ESF1: variants seen among roughly 807,000 people sequenced by gnomAD.
ESF1 encodes the protein ESF1 homolog.
ESF1 carries 58 observed loss-of-function variants against 92.0 expected under a neutral mutation model. The observed-to-expected ratio is 0.63, with a 90% CI of 0.51 to 0.78. The LOEUF (loss-of-function observed/expected upper bound fraction) is 0.78. Ranked by LOEUF, ESF1 falls within the 30% of genes least tolerant of loss-of-function variation. ESF1 has a pLI of 0.00. For missense variants in ESF1, 922 were observed against 989.1 expected (o/e 0.93, Z 0.91); for synonymous variants, 321 against 313.7 (o/e 1.02, Z -0.24).
rs183350625 is a variant in ESF1 at position 13,720,626 on chromosome 20, C to A, written c.2039-1642G>T. On this transcript the variant is annotated intron_variant, in intron 11 of 13. Transcript: ENST00000617257. ...GAGGGGGAAGTGTATATGGTATCTT[C>A]TAGACTATAGTGAACTAAAAAGACT... 7.1e-4 allele frequency among the ~76,000 whole-genome samples: 108 copies of A among 152,164 alleles called. 1 individual carries two copies. The highest frequency in any genetic ancestry group is 2.4e-3 in the African/African-American group (100 of 41,478).
chr20:13,754,984 G>C (rs1046684089), intron 9 of ESF1, among the ~76,000 whole-genome samples: 5 of 152,176 alleles, frequency 3.3e-5, no homozygotes, highest in African/African-American at 1.2e-4. Context: ...CAGTCTTCCT[G>C]GGCCAGGCTC....
At position 13,783,167 on chromosome 20, in the gene ESF1, C is replaced by T; in HGVS notation, c.-27G>A. 2.5e-6 allele frequency: 4 copies of T among 1,572,842 alleles called. No individual in the cohort carries two copies. Among genetic ancestry groups the T allele is most frequent in the Non-Finnish European group, 3.5e-6 (4 of 1,158,584 alleles). ...TTTAATTCTTAATCTCGACCAAATG[C>T]TTGAAGAAAACAAATACTGAAAAAT... On this transcript the variant is annotated 5_prime_UTR_variant, in exon 2 of 14. Coordinates refer to ENST00000617257, the MANE Select transcript of ESF1 (RefSeq NM_001276380.2).
chr20:13,748,570 GTGTGTATA>G (rs1301691149), intron 9 of ESF1, among the ~76,000 whole-genome samples: 1 of 46,088 alleles, frequency 2.2e-5, no homozygotes, highest in African/African-American at 7.0e-5. Flanking sequence ...ATATATGTGT[GTGTGTATA>G]TATATATATA....
intron 8 of ESF1, among the ~76,000 whole-genome samples, chr20:13,760,721 C>A (rs1266944071): frequency 6.6e-6 from 1 of 150,690 alleles, no homozygotes; most frequent in Admixed American, 6.6e-5. Context: ...GGGGGGTCAG[C>A]CCCCACCGGC....
At chr20:13,729,106 A>G (rs1479266790) in intron 10 of ESF1, among the ~76,000 whole-genome samples, 1 of 151,950 alleles carries the variant, frequency 6.6e-6, no homozygotes, top group Non-Finnish European at 1.5e-5. Context: ...TAAAAATACA[A>G]AAGTTAGCCA....
chr20:13,716,126 T>C (rs1006187262), intron 13 of ESF1, among the ~76,000 whole-genome samples: 1 of 152,136 alleles, frequency 6.6e-6, no homozygotes, highest in East Asian at 1.9e-4. Flanking sequence ...CTACCCTCCA[T>C]TGTTTGAACA....
At chr20:13,752,444 T>G (rs1978681879) in intron 9 of ESF1, among the ~76,000 whole-genome samples, 1 of 152,232 alleles carries the variant, frequency 6.6e-6, no homozygotes, top group African/African-American at 2.4e-5. Flanking sequence ...TCTTCTATAC[T>G]CGATTCAAAA....
At chr20:13,780,902 TG>T (rs1447123245) in intron 2 of ESF1, among the ~76,000 whole-genome samples, 2 of 152,266 alleles carry the variant, frequency 1.3e-5, no homozygotes, top group Non-Finnish European at 2.9e-5. Context: ...CTACTCATTT[TG>T]GCCCTTCAAG....
At chr20:13,783,724 A>G (rs1439819212) in intron 1 of ESF1, among the ~76,000 whole-genome samples, 1 of 152,188 alleles carries the variant, frequency 6.6e-6, no homozygotes, top group Non-Finnish European at 1.5e-5. Flanking sequence ...CTAAGGCAAG[A>G]GGATCACTTC....
chr20:13,750,069 T>C (rs1978559330), intron 9 of ESF1, among the ~76,000 whole-genome samples: 1 of 152,192 alleles, frequency 6.6e-6, no homozygotes, highest in African/African-American at 2.4e-5. Flanking sequence ...GCATATTGCA[T>C]ACAGTGAGCA....
chr20:13,782,891 C>T lies in ESF1; in HGVS notation c.250G>A (p.Glu84Lys). The part of the protein sequence containing the change: ...LSDSDSNLSG[E>K]DSKALSQKKI... ...TTTTGACTCAATGCTTTGCTATCTT[C>T]ACCAGAGAGATTGGAATCAGAATCT... is the stretch of plus-strand genomic sequence containing the variant. The change falls in exon 2 of 14, where the codon GAA becomes AAA. Residue 84 changes from glutamate (E) to lysine (K), a missense_variant. Coordinates refer to ENST00000617257, the MANE Select transcript of ESF1 (RefSeq NM_001276380.2). The T allele has an allele frequency of 6.2e-7, 1 of 1,613,940 alleles. No homozygotes were observed. The highest frequency in any genetic ancestry group is 8.5e-7 in the Non-Finnish European group (1 of 1,180,006).
At chr20:13,755,030 A>T (rs143079966) in intron 9 of ESF1, among the ~76,000 whole-genome samples, 4 of 152,330 alleles carry the variant, frequency 2.6e-5, no homozygotes, top group Non-Finnish European at 4.4e-5. Context: ...TTCCTGGTCA[A>T]ATATGTTTCT....
chr20:13,725,193 GAACA>G (rs2049893398), intron 11 of ESF1, among the ~76,000 whole-genome samples: 1 of 152,200 alleles, frequency 6.6e-6, no homozygotes, highest in South Asian at 2.1e-4. Flanking sequence ...GCAAGTGAAT[GAACA>G]AACAGTATAA....
chr20:13,725,141 A>G (rs1243726179), intron 11 of ESF1, among the ~76,000 whole-genome samples: 1 of 152,192 alleles, frequency 6.6e-6, no homozygotes, highest in Non-Finnish European at 1.5e-5. Context: ...ACCTGTTTCT[A>G]CGTCCCTACC....
intron 8 of ESF1, among the ~76,000 whole-genome samples, chr20:13,760,342 G>A (rs1314234249): frequency 2.0e-5 from 3 of 151,888 alleles, no homozygotes; most frequent in African/African-American, 7.3e-5. Context: ...TCCCATCTAG[G>A]AAGTGAGGAG....
intron 4 of ESF1, among the ~76,000 whole-genome samples, chr20:13,774,832 T>C (rs1278992625): frequency 6.6e-6 from 1 of 152,204 alleles, no homozygotes; most frequent in East Asian, 1.9e-4. Flanking sequence ...TCTAGTATAA[T>C]TAGATTTTTT....
At chr20:13,729,344 T>C (rs2049926433) in intron 10 of ESF1, among the ~76,000 whole-genome samples, 1 of 152,250 alleles carries the variant, frequency 6.6e-6, no homozygotes, top group Non-Finnish European at 1.5e-5. Flanking sequence ...AGTTATCAGA[T>C]ACATGGTTTC....
At chr20:13,747,792 C>A (rs1978347795) in intron 9 of ESF1, among the ~76,000 whole-genome samples, 1 of 152,086 alleles carries the variant, frequency 6.6e-6, no homozygotes, top group Non-Finnish European at 1.5e-5. Flanking sequence ...TTACCACACA[C>A]CTAGGCTAAT....
At chr20:13,752,601 T>G (rs1419430383) in intron 9 of ESF1, among the ~76,000 whole-genome samples, 5 of 152,206 alleles carry the variant, frequency 3.3e-5, no homozygotes, top group Non-Finnish European at 7.3e-5. Flanking sequence ...TTAAAATGCT[T>G]GAAACTGGGC....
Sources: allele counts gnomAD v4.1 joint callset (sites outside exome capture counted in the v4.1 genomes callset), GRCh38; gene constraint gnomAD v4.1.1; transcripts MANE v1.5; gene names NCBI Gene and HGNC (gene_info 2026-07-23, HGNC 2026-07-21).